Variants in WSCD2 observed in about 807,000 individuals in gnomAD.
The protein encoded by WSCD2 is WSC domain sialate O sulfotransferase 2, also known as sialate:O-sulfotransferase 2.
WSCD2 carries 28 observed loss-of-function variants against 55.7 expected under a neutral mutation model. The ratio of observed to expected loss-of-function variants is 0.50; its 90% CI spans 0.37 to 0.69. The LOEUF (loss-of-function observed/expected upper bound fraction) is 0.69, where lower values mean the gene tolerates loss of function less well. WSCD2 is among the 30% of genes least tolerant of loss of function. The pLI, the probability that WSCD2 is intolerant of heterozygous loss-of-function variation, is 0.00. For missense variants in WSCD2, 616 were observed against 762.1 expected (o/e 0.81, Z 2.26); for synonymous variants, 301 against 301.9 (o/e 1.00, Z 0.03).
intron 4 of WSCD2, among the ~76,000 whole-genome samples, chr12:108,223,784 CAA>C (rs1887782307): frequency 6.6e-6 from 1 of 152,140 alleles, no homozygotes; most frequent in African/African-American, 2.4e-5. Flanking sequence ...AGCCCATAGC[CAA>C]AAACTGACTG....
chr12:108,204,806 G>A (rs772275101), intron 2 of WSCD2, among the ~76,000 whole-genome samples: 1 of 152,182 alleles, frequency 6.6e-6, no homozygotes, highest in African/African-American at 2.4e-5. Flanking sequence ...GTGTTCAGGG[G>A]AATGATTGCT....
chr12:108,130,247 A>C (rs1875346050), intron 1 of WSCD2, among the ~76,000 whole-genome samples: 1 of 152,064 alleles, frequency 6.6e-6, no homozygotes, highest in African/African-American at 2.4e-5. Flanking sequence ...GCCAGCGGGG[A>C]GGCAGTGGGC....
intron 7 of WSCD2, among the ~76,000 whole-genome samples, chr12:108,238,428 A>T (rs1043049057): frequency 2.0e-5 from 3 of 152,198 alleles, no homozygotes; most frequent in Non-Finnish European, 4.4e-5. Context: ...GTCTCCAGGA[A>T]CAGGAGCAGA....
intron 2 of WSCD2, among the ~76,000 whole-genome samples, chr12:108,196,738 T>C (rs1883975008): frequency 6.6e-6 from 1 of 152,268 alleles, no homozygotes; most frequent in Non-Finnish European, 1.5e-5. Flanking sequence ...TCCATCTTGC[T>C]GGGTCCCTTG....
intron 1 of WSCD2, among the ~76,000 whole-genome samples, chr12:108,163,338 C>CAG (rs1342189072): frequency 3.9e-5 from 6 of 152,058 alleles, no homozygotes; most frequent in Non-Finnish European, 7.4e-5. Context: ...CACTGCACTC[C>CAG]AGCCTGGGTG....
At chr12:108,180,050 C>CAAAAAA (rs59925486) in intron 1 of WSCD2, among the ~76,000 whole-genome samples, 15 of 116,662 alleles carry the variant, frequency 1.3e-4, no homozygotes, top group African/African-American at 1.6e-4. Flanking sequence ...CTCAAAAAAA[C>CAAAAAA]AAAAAAAAAA....
chr12:108,234,758 G>A (rs1686426111), intron 7 of WSCD2, among the ~76,000 whole-genome samples: 1 of 152,222 alleles, frequency 6.6e-6, no homozygotes, highest in African/African-American at 2.4e-5. Flanking sequence ...TGTCCTGGCT[G>A]TGGCAGCAAC....
At chr12:108,159,357 T>C (rs1480516245) in intron 1 of WSCD2, among the ~76,000 whole-genome samples, 1 of 152,208 alleles carries the variant, frequency 6.6e-6, no homozygotes, top group Non-Finnish European at 1.5e-5. Context: ...GTGACACATT[T>C]AGTCCTCACA....
At chr12:108,232,589 C>T in intron 6 of WSCD2, 142 bp from the exon 7 acceptor site, 1 of 760,892 alleles carries the variant, frequency 1.3e-6, no homozygotes, top group South Asian at 2.0e-5. Context: ...CCCAAGGAAG[C>T]TTTCCCATGA....
chr12:108,250,361 G>A lies in WSCD2; in HGVS notation c.*2018G>A, dbSNP rs934304084. 3 of 152,314 alleles carry A rather than the reference G, an allele frequency of 2.0e-5. No individual in the cohort carries two copies. The highest frequency in any genetic ancestry group is 2.9e-5 in the Non-Finnish European group (2 of 68,062). 9.4% of individuals were successfully genotyped at this position (152,314 alleles called of 1,614,324 possible). Reference sequence around the variant, plus strand: ...TGTGTGACTCTGGCATAGCTGCTCAGGGAGAATTACGTGCCTCTGTGTGTA... The same window carrying A: ...TGTGTGACTCTGGCATAGCTGCTCAAGGAGAATTACGTGCCTCTGTGTGTA... On this transcript the variant is annotated 3_prime_UTR_variant, in exon 9 of 9. Coordinates refer to ENST00000547525, the MANE Select transcript of WSCD2 (RefSeq NM_014653.4).
At chr12:108,227,720 AATG>A (rs1888267505) in intron 6 of WSCD2, among the ~76,000 whole-genome samples, 1 of 121,898 alleles carries the variant, frequency 8.2e-6, no homozygotes, top group South Asian at 3.1e-4. Context: ...ACATGATGAT[AATG>A]ATGGTGATGA....
intron 1 of WSCD2, among the ~76,000 whole-genome samples, chr12:108,133,354 T>C (rs1875822869): frequency 6.6e-6 from 1 of 152,178 alleles, no homozygotes. Flanking sequence ...TTGTACTGTA[T>C]CTTTTTGCAC....
intron 8 of WSCD2, among the ~76,000 whole-genome samples, chr12:108,241,038 G>A (rs754054146): frequency 5.9e-5 from 9 of 152,176 alleles, no homozygotes; most frequent in South Asian, 2.1e-4. Context: ...CCTGGGAGTC[G>A]AGAGACCTGA....
intron 1 of WSCD2, among the ~76,000 whole-genome samples, chr12:108,170,697 G>A (rs1331381324): frequency 6.6e-6 from 1 of 152,196 alleles, no homozygotes; most frequent in Non-Finnish European, 1.5e-5. Flanking sequence ...CTGACATGAT[G>A]CCAGCGTTCA....
intron 4 of WSCD2, among the ~76,000 whole-genome samples, chr12:108,219,257 C>T (rs1470246696): frequency 6.6e-6 from 1 of 152,190 alleles, no homozygotes; most frequent in Non-Finnish European, 1.5e-5. Context: ...AAGTCAAATG[C>T]ACAGGGCCAT....
intron 2 of WSCD2, among the ~76,000 whole-genome samples, chr12:108,198,142 C>T (rs1248164607): frequency 6.6e-6 from 1 of 151,928 alleles, no homozygotes. Flanking sequence ...GTGTTTGCCT[C>T]TTTGTTTAAG....
chr12:108,196,301 G>A (rs1883920079), intron 2 of WSCD2, 87 bp downstream of exon 2: 1 of 1,458,954 alleles, frequency 6.9e-7, no homozygotes, highest in Non-Finnish European at 9.1e-7. Context: ...AGTTTTCAGT[G>A]TTTAATAGGA....
intron 1 of WSCD2, among the ~76,000 whole-genome samples, chr12:108,184,491 C>T (rs78373221): frequency 0.022 from 3,327 of 152,268 alleles, 124 homozygotes; most frequent in African/African-American, 0.075. Flanking sequence ...CAGTGTGGAA[C>T]CAGCAAATGG....
intron 1 of WSCD2, among the ~76,000 whole-genome samples, chr12:108,160,494 C>A (rs1484414182): frequency 6.6e-6 from 1 of 152,098 alleles, no homozygotes; most frequent in Non-Finnish European, 1.5e-5. Context: ...GAAGTAGGAT[C>A]ATCTTACATG....
Sources: gnomAD v4.1 joint callset for allele counts (sites outside exome capture counted in the v4.1 genomes callset) on GRCh38, gnomAD v4.1.1 for gene constraint, MANE v1.5 for transcripts, NCBI Gene and HGNC (gene_info 2026-07-23, HGNC 2026-07-21) for gene names.